RALGPS2: variants seen among roughly 807,000 people sequenced by gnomAD.
RALGPS2 encodes Ral GEF with PH domain and SH3 binding motif 2, also known as ras-specific guanine nucleotide-releasing factor RalGPS2.
A neutral mutation model predicts 86.8 loss-of-function variants in RALGPS2; 43 were observed. The observed-to-expected ratio is 0.50, with a 90% CI of 0.39 to 0.64. The LOEUF (loss-of-function observed/expected upper bound fraction) is 0.64. Among genes scored for constraint, RALGPS2 ranks in the 30% least tolerant of loss-of-function variants. The probability of loss-of-function intolerance (pLI) is 0.00; values close to 1 mark genes in which losing one functional copy is unlikely to be tolerated. For synonymous variants in RALGPS2, 243 were observed against 231.3 expected, an observed-to-expected ratio of 1.05 and a Z score of -0.46; for missense variants, 536 against 694.6, an observed-to-expected ratio of 0.77 and a Z score of 2.57.
intron 4 of RALGPS2, among the ~76,000 whole-genome samples, chr1:178,803,704 T>C (rs1654595195): frequency 1.1e-5 from 1 of 89,874 alleles, no homozygotes; most frequent in African/African-American, 3.0e-5. Flanking sequence ...TTTCATTATT[T>C]CTTTCAGAAA....
intron 1 of RALGPS2, among the ~76,000 whole-genome samples, chr1:178,731,890 C>T (rs1043087415): frequency 2.8e-4 from 43 of 152,200 alleles, no homozygotes; most frequent in African/African-American, 1.0e-3. Context: ...TGCTACTCAG[C>T]TTTGCTGTTG....
At chr1:178,847,146 C>A (rs1656905050) in intron 8 of RALGPS2, among the ~76,000 whole-genome samples, 1 of 152,190 alleles carries the variant, frequency 6.6e-6, no homozygotes. Context: ...GTTAACTCCA[C>A]TGATAAAACT....
In RALGPS2 at chr1:178,784,444, T is replaced by G; in HGVS notation, c.84T>G (p.Ser28Arg). 1.9e-6 allele frequency: 3 copies of G among 1,604,990 alleles called. No individual in the cohort carries two copies. Among genetic ancestry groups the G allele is most frequent in the Non-Finnish European group, 2.6e-6 (3 of 1,174,204 alleles). ...AAAGTAGCAGCTCTGAATCCTTAAG[T>G]GACAAAGGCTCTGAATTGAAGAAAA... ...SEKSSSSESL[S>R]DKGSELKKSF... The change falls in exon 3 of 20, where the codon AGT (serine) becomes AGG (arginine). Residue 28 changes from serine (S) to arginine (R), a missense_variant. Coordinates refer to ENST00000367635, the MANE Select transcript of RALGPS2 (RefSeq NM_152663.5).
intron 1 of RALGPS2, among the ~76,000 whole-genome samples, chr1:178,729,669 A>C (rs1650226374): frequency 1.3e-5 from 2 of 152,176 alleles, no homozygotes; most frequent in African/African-American, 4.8e-5. Context: ...GAGCAGTTTG[A>C]GTTTTAAATA....
intron 2 of RALGPS2, among the ~76,000 whole-genome samples, chr1:178,783,052 G>C (rs1367094425): frequency 6.6e-6 from 1 of 152,138 alleles, no homozygotes; most frequent in African/African-American, 2.4e-5. Flanking sequence ...ACAATTATCA[G>C]ACTGGGAGTT....
chr1:178,911,734 G>A (rs879690193), intron 19 of RALGPS2, among the ~76,000 whole-genome samples: 1 of 152,180 alleles, frequency 6.6e-6, no homozygotes, highest in Non-Finnish European at 1.5e-5. Flanking sequence ...GGTCTAGTTT[G>A]TCAAATGTTG....
chr1:178,737,943 A>C (rs1165679475), intron 1 of RALGPS2, among the ~76,000 whole-genome samples: 1 of 151,490 alleles, frequency 6.6e-6, no homozygotes, highest in Non-Finnish European at 1.5e-5. Flanking sequence ...ACCCCTGGCT[A>C]ATTTTTTTGT....
chr1:178,761,498 G>A (rs2102065568), intron 1 of RALGPS2, among the ~76,000 whole-genome samples: 1 of 152,000 alleles, frequency 6.6e-6, no homozygotes, highest in East Asian at 1.9e-4. Context: ...TCGTCTCTAA[G>A]CTCTGAAATT....
chr1:178,785,630 C>T lies in RALGPS2; in HGVS notation c.213+23C>T, dbSNP rs767251062. The T allele has an allele frequency of 2.6e-5, 41 of 1,547,500 alleles. No homozygotes were observed. In the East Asian group the frequency reaches 9.1e-4, roughly 34 times the overall value. ...GATGTAAGTAGTTTTGAGAATGTTC[C>T]TTTTAAATATAGAAAACGATCAATC... On this transcript the variant is annotated intron_variant, in intron 4 of 19. Coordinates refer to ENST00000367635, the MANE Select transcript of RALGPS2 (RefSeq NM_152663.5).
chr1:178,838,741 G>A (rs193022155), intron 8 of RALGPS2, among the ~76,000 whole-genome samples: 11 of 152,272 alleles, frequency 7.2e-5, no homozygotes, highest in South Asian at 2.1e-4. Flanking sequence ...GTTCGAATCC[G>A]TCGCAAAGAA....
At chr1:178,861,208 T>G (rs1657985735) in intron 8 of RALGPS2, among the ~76,000 whole-genome samples, 2 of 152,210 alleles carry the variant, frequency 1.3e-5, no homozygotes, top group East Asian at 1.9e-4. Context: ...ATTCTTATGG[T>G]CTAGCAGATT....
chr1:178,916,719 A>C lies in RALGPS2; in HGVS notation c.*360A>C, dbSNP rs1186220820. ...ATCGTAGCTAATTTGCATTTCTTTT[A>C]ACTTTGTAATAATTTTAGAGGGGGG... On this transcript the variant is annotated 3_prime_UTR_variant, in exon 20 of 20. Coordinates refer to ENST00000367635, the MANE Select transcript of RALGPS2 (RefSeq NM_152663.5). 4.6e-6 allele frequency: 1 copy of C among 215,766 alleles called. No individual in the cohort carries two copies. The highest frequency in any genetic ancestry group is 9.0e-6 in the Non-Finnish European group (1 of 110,500). 13.4% of individuals were successfully genotyped at this position (215,766 alleles called of 1,614,324 possible).
At chr1:178,831,497 A>T (rs1427028516) in intron 7 of RALGPS2, among the ~76,000 whole-genome samples, 1 of 152,104 alleles carries the variant, frequency 6.6e-6, no homozygotes, top group African/African-American at 2.4e-5. Context: ...GGTCAGGAAC[A>T]TCTAGAATTC....
chr1:178,804,631 T>C (rs1334216861), intron 4 of RALGPS2, among the ~76,000 whole-genome samples: 4 of 83,994 alleles, frequency 4.8e-5, no homozygotes, highest in African/African-American at 1.8e-4. Flanking sequence ...GGCTGCATAG[T>C]ATTCCATGGT....
intron 1 of RALGPS2, among the ~76,000 whole-genome samples, chr1:178,740,228 G>A (rs1650941837): frequency 6.6e-6 from 1 of 152,198 alleles, no homozygotes; most frequent in Admixed American, 6.5e-5. Context: ...ATTTATCTGA[G>A]TCAGTATCCT....
At chr1:178,865,321 G>A in intron 8 of RALGPS2, 3 of 1,613,948 alleles carry the variant, frequency 1.9e-6, no homozygotes, top group Non-Finnish European at 2.5e-6. Flanking sequence ...TTTCCAGTTG[G>A]GAAAGTTCAA....
chr1:178,905,123 A>G (rs891649928), intron 18 of RALGPS2, among the ~76,000 whole-genome samples: 6 of 152,044 alleles, frequency 3.9e-5, no homozygotes, highest in Non-Finnish European at 8.8e-5. Context: ...TGCAGCTATT[A>G]TAAAAGGCGT....
intron 1 of RALGPS2, among the ~76,000 whole-genome samples, chr1:178,738,318 C>T (rs1004909007): frequency 6.6e-6 from 1 of 150,860 alleles, no homozygotes; most frequent in Non-Finnish European, 1.5e-5. Flanking sequence ...AAGGTACTCT[C>T]CTGTCTCAGC....
intron 8 of RALGPS2, among the ~76,000 whole-genome samples, chr1:178,862,487 A>G (rs1658095481): frequency 6.6e-6 from 1 of 152,182 alleles, no homozygotes; most frequent in Admixed American, 6.5e-5. Flanking sequence ...GAGGGACTAT[A>G]CAAAATGTCT....
Sources: allele counts gnomAD v4.1 joint callset (sites outside exome capture counted in the v4.1 genomes callset), GRCh38; gene constraint gnomAD v4.1.1; transcripts MANE v1.5; gene names NCBI Gene and HGNC (gene_info 2026-07-23, HGNC 2026-07-21).